Variants in RAB37 observed in about 807,000 individuals in gnomAD.
RAB37 encodes RAB37, member RAS oncogene family, also known as ras-related protein Rab-37.
In RAB37, 29 loss-of-function variants were observed where a neutral mutation model predicts 33.1. That is an observed-to-expected ratio of 0.88 (90% CI 0.65 to 1.20). The LOEUF (loss-of-function observed/expected upper bound fraction) is 1.20, where lower values mean the gene tolerates loss of function less well. Ranked by LOEUF, RAB37 falls within the 50% of genes most tolerant of loss-of-function variation. The probability of loss-of-function intolerance (pLI) is 0.00; values close to 1 mark genes in which losing one functional copy is unlikely to be tolerated. For missense variants in RAB37, 299 were observed against 301.1 expected (o/e 0.99, Z 0.05); for synonymous variants, 128 against 119.5 (o/e 1.07, Z -0.47).
At chr17:74,677,454 A>G (rs1243525117) in intron 1 of RAB37, 1 of 152,218 alleles carries the variant, frequency 6.6e-6, no homozygotes, top group Admixed American at 6.5e-5. Flanking sequence ...TTGTCCTCAA[A>G]AGAATCCAAA....
chr17:74,705,705 C>T (rs1201054359), intron 1 of RAB37, among the ~76,000 whole-genome samples: 1 of 152,078 alleles, frequency 6.6e-6, no homozygotes, highest in East Asian at 1.9e-4. Context: ...ATTGATCCTC[C>T]CACTTCAGCC....
chr17:74,706,808 C>T (rs780832001), intron 1 of RAB37, among the ~76,000 whole-genome samples: 4 of 152,180 alleles, frequency 2.6e-5, no homozygotes, highest in Non-Finnish European at 5.9e-5. Context: ...GGTATCCATG[C>T]GAAGGCACAG....
Position 74,745,562 on chromosome 17 carries a change from T to C in RAB37, c.*151T>C. ...TCCTAGCAGGGAGCTATACTCCAACTCCTACTTGAGTTCCTGCGGTCTCCC... is the reference window on the plus strand; with the variant it reads ...TCCTAGCAGGGAGCTATACTCCAACCCCTACTTGAGTTCCTGCGGTCTCCC... On this transcript the variant is annotated 3_prime_UTR_variant, in exon 9 of 9. Coordinates refer to ENST00000392613, the MANE Select transcript of RAB37 (RefSeq NM_001006638.3). This position sits in a 1 kb window ranked among gnomAD's most constrained non-coding sequence, Gnocchi z 4.5. The C allele has an allele frequency of 1.6e-6, 1 of 632,654 alleles. No homozygotes were observed. Among genetic ancestry groups the C allele is most frequent in the Non-Finnish European group, 2.8e-6 (1 of 355,098 alleles). The allele number at this position is 632,654 out of a possible 1,614,324, so 39.2% of individuals were successfully genotyped here.
chr17:74,687,626 A>T (rs1199600304), intron 1 of RAB37, among the ~76,000 whole-genome samples: 1 of 152,190 alleles, frequency 6.6e-6, no homozygotes, highest in African/African-American at 2.4e-5. Flanking sequence ...GTGCTGGGGC[A>T]GGGGGAATCT....
At chr17:74,689,932 G>A (rs1192986388) in intron 1 of RAB37, among the ~76,000 whole-genome samples, 1 of 152,078 alleles carries the variant, frequency 6.6e-6, no homozygotes, top group African/African-American at 2.4e-5. Context: ...AAAGGAGGCT[G>A]TCCAAAGCTT....
chr17:74,717,740 C>A (rs1481336021), intron 1 of RAB37, among the ~76,000 whole-genome samples: 1 of 148,092 alleles, frequency 6.8e-6, no homozygotes, highest in Admixed American at 6.9e-5. Flanking sequence ...ACCTGGGAGG[C>A]AGAGGTTGTG....
chr17:74,730,527 C>T lies in RAB37; in HGVS notation c.183+1161C>T, dbSNP rs1445180723. 1.3e-5 allele frequency among the ~76,000 whole-genome samples: 2 copies of T among 152,244 alleles called. No individual in the cohort carries two copies. Among genetic ancestry groups the T allele is most frequent in the Admixed American group, 6.5e-5 (1 of 15,302 alleles). ...TGAAACACCAGTTCCCAGGGCTCTCCCCAGACTGGGACCGGCTGGGCTCTG... is the reference window on the plus strand; with the variant it reads ...TGAAACACCAGTTCCCAGGGCTCTCTCCAGACTGGGACCGGCTGGGCTCTG... On this transcript the variant is annotated intron_variant, in intron 2 of 7. Transcript: ENST00000340415. This position sits in a 1 kb window ranked among gnomAD's most constrained non-coding sequence, Gnocchi z 4.4.
Position 74,671,938 on chromosome 17 carries a change from A to G in RAB37, c.72+280A>G, listed in dbSNP as rs2143445390. Among the ~76,000 whole-genome samples the G allele has an allele frequency of 6.6e-6, 1 of 152,062 alleles. No individual in the cohort carries two copies. The highest frequency in any genetic ancestry group is 3.4e-3 in the Middle Eastern group (1 of 294). Reference sequence around the variant, plus strand: ...ACCCCCTCCTTCTCCTTGCCTATTTATGCCCCTGGGTGACCCCTGGCACCT... The same window carrying G: ...ACCCCCTCCTTCTCCTTGCCTATTTGTGCCCCTGGGTGACCCCTGGCACCT... On this transcript the variant is annotated intron_variant, in intron 1 of 7. Transcript: ENST00000340415. This position sits in a 1 kb window ranked among gnomAD's most constrained non-coding sequence, Gnocchi z 5.0.
At chr17:74,728,935 G>A (rs1382029648) in intron 1 of RAB37, among the ~76,000 whole-genome samples, 1 of 151,754 alleles carries the variant, frequency 6.6e-6, no homozygotes, top group Non-Finnish European at 1.5e-5. Flanking sequence ...GTATGTTTCT[G>A]TGTCGTGTGT....
rs1376772594 is a variant in RAB37, at chr17:74,738,971, T to C, written c.93+1606T>C. Reference sequence around the variant, plus strand: ...TTATCCCTCCTCCTTCTACCCACTATGGAAACCATGCCACAGAAAGGTTAA... The same window carrying C: ...TTATCCCTCCTCCTTCTACCCACTACGGAAACCATGCCACAGAAAGGTTAA... On this transcript the variant is annotated intron_variant, in intron 1 of 8. Transcript: ENST00000392613. This position sits in a 1 kb window ranked among gnomAD's most constrained non-coding sequence, Gnocchi z 5.0. 6.6e-6 allele frequency among the ~76,000 whole-genome samples: 1 copy of C among 152,162 alleles called. No homozygotes were observed. Among genetic ancestry groups the C allele is most frequent in the Non-Finnish European group, 1.5e-5 (1 of 68,028 alleles).
At chr17:74,683,041 A>G (rs933180748) in intron 1 of RAB37, among the ~76,000 whole-genome samples, 1 of 152,244 alleles carries the variant, frequency 6.6e-6, no homozygotes, top group Admixed American at 6.5e-5. Flanking sequence ...ATCTTTAATG[A>G]GAAGTGCCTG....
intron 1 of RAB37, among the ~76,000 whole-genome samples, chr17:74,691,059 C>G (rs1247704204): frequency 6.6e-6 from 1 of 152,180 alleles, no homozygotes; most frequent in African/African-American, 2.4e-5. Context: ...GCTGGGACCA[C>G]AGACGCCTGG....
intron 1 of RAB37, among the ~76,000 whole-genome samples, chr17:74,674,351 C>T (rs2031775054): frequency 1.3e-5 from 2 of 150,026 alleles, no homozygotes; most frequent in Non-Finnish European, 3.0e-5. Flanking sequence ...AAAGTGCTGG[C>T]ATTATATGTA....
intron 1 of RAB37, among the ~76,000 whole-genome samples, chr17:74,690,514 A>G (rs1023586272): frequency 6.6e-6 from 1 of 152,190 alleles, no homozygotes; most frequent in Non-Finnish European, 1.5e-5. Flanking sequence ...CTGCCTTAGC[A>G]AAGTCATGAT....
intron 1 of RAB37, among the ~76,000 whole-genome samples, chr17:74,713,899 CAAAAAAAAAAAA>C (rs55993385): frequency 3.9e-5 from 2 of 51,160 alleles, no homozygotes; most frequent in African/African-American, 8.7e-5. Context: ...TTCATCTCCA[CAAAAAAAAAAAA>C]AAAAAAAAAA....
At chr17:74,712,810 C>A (rs779808614) in intron 1 of RAB37, 3 of 1,613,898 alleles carry the variant, frequency 1.9e-6, no homozygotes, top group Middle Eastern at 1.6e-4. Context: ...GAAGACAGAC[C>A]CAGGCCCGCT....
At chr17:74,697,987 G>A (rs145669295) in intron 1 of RAB37, among the ~76,000 whole-genome samples, 26 of 152,242 alleles carry the variant, frequency 1.7e-4, no homozygotes, top group African/African-American at 5.3e-4. Flanking sequence ...CCCATTCCAT[G>A]TCAGCTCAGT....
intron 1 of RAB37, among the ~76,000 whole-genome samples, chr17:74,692,251 G>A (rs1366728921): frequency 2.0e-5 from 3 of 152,026 alleles, no homozygotes; most frequent in Admixed American, 1.3e-4. Context: ...CTCTGTGGGC[G>A]CTTCTTGCTC....
intron 1 of RAB37, among the ~76,000 whole-genome samples, chr17:74,728,658 C>G (rs1387672733): frequency 1.4e-5 from 2 of 144,508 alleles, no homozygotes; most frequent in Non-Finnish European, 3.0e-5. Context: ...TATGTGTGCT[C>G]TGTGTATGCA....
Sources: allele counts gnomAD v4.1 joint callset (sites outside exome capture counted in the v4.1 genomes callset), GRCh38; gene constraint gnomAD v4.1.1; non-coding constraint Gnocchi (gnomAD v3.1); transcripts MANE v1.5; gene names NCBI Gene and HGNC (gene_info 2026-07-23, HGNC 2026-07-21).